Variants in TGDS observed in about 807,000 individuals in gnomAD.
The protein encoded by TGDS is TDP-glucose 4,6-dehydratase.
A neutral mutation model predicts 52.3 loss-of-function variants in TGDS; 47 were observed. The ratio of observed to expected loss-of-function variants is 0.90; its 90% CI spans 0.71 to 1.15. TGDS has a LOEUF of 1.15. TGDS is among the 50% of genes most tolerant of loss of function. The pLI, the probability that TGDS is intolerant of heterozygous loss-of-function variation, is 0.00. For missense variants in TGDS, 375 were observed against 418.4 expected (o/e 0.90, Z 0.90); for synonymous variants, 115 against 136.9 (o/e 0.84, Z 1.12).
chr13:94,577,861 A>C, intron 9 of TGDS, 144 bp downstream of exon 9: 1 of 790,160 alleles, frequency 1.3e-6, no homozygotes, highest in Non-Finnish European at 1.9e-6. Flanking sequence ...ACTTAATTTA[A>C]GACACATATG....
rs748209388 is a variant in TGDS, at chr13:94,574,882, A to G, written c.983-30T>C. 7.3e-6 allele frequency: 10 copies of G among 1,361,248 alleles called. 1 individual carries two copies. The Admixed American group carries it at 1.4e-4, about 20-fold the overall frequency. 84.3% of individuals were successfully genotyped at this position (1,361,248 alleles called of 1,614,324 possible). On this transcript the variant is annotated intron_variant, in intron 11 of 11. Coordinates refer to ENST00000261296, the MANE Select transcript of TGDS (RefSeq NM_014305.4). ...TAGGAAAAAACAAAAGACAAAAAAA[A>G]AAAAGAAAAGAAAGAAAAACTAAAC...
intron 4 of TGDS, among the ~76,000 whole-genome samples, chr13:94,584,627 T>C (rs1040988414): frequency 2.0e-5 from 3 of 152,212 alleles, no homozygotes; most frequent in Admixed American, 2.0e-4. Flanking sequence ...GCCCAGACTG[T>C]GGCCTCTAAA....
chr13:94,590,919 C>T lies in TGDS; in HGVS notation c.247G>A (p.Val83Met). Residue 83 changes from valine to methionine, a missense_variant, in exon 4 of 12, where the codon GTG becomes ATG. Val to Met is a conservative substitution (Grantham distance 21). Coordinates refer to ENST00000261296, the MANE Select transcript of TGDS (RefSeq NM_014305.4). ...IQGDICDSHF[V>M]KLLFETEKID... is the part of the protein sequence containing the mutation. ...TTCTCTGTTTCAAAAAGCAGTTTCA[C>T]AAAGTGAGAATCACATATGTCACCC... is the stretch of plus-strand genomic sequence containing the variant. The T allele has an allele frequency of 1.9e-6, 3 of 1,572,056 alleles. No individual in the cohort carries two copies. The highest frequency in any genetic ancestry group is 2.6e-6 in the Non-Finnish European group (3 of 1,165,834).
chr13:94,596,176 T>A, upstream of TGDS: 1 of 1,595,910 alleles, frequency 6.3e-7, no homozygotes, highest in East Asian at 2.3e-5. Context: ...AAGAGTATGG[T>A]CTGAAAAGCG....
At chr13:94,586,816 G>T (rs1463694975) in intron 4 of TGDS, among the ~76,000 whole-genome samples, 2 of 147,370 alleles carry the variant, frequency 1.4e-5, no homozygotes, top group Non-Finnish European at 3.0e-5. Context: ...TGGAGTGCAG[G>T]GGTGCGATCT....
At chr13:94,588,090 C>A (rs2139535693) in intron 4 of TGDS, among the ~76,000 whole-genome samples, 1 of 150,772 alleles carries the variant, frequency 6.6e-6, no homozygotes, top group Admixed American at 6.6e-5. Flanking sequence ...TAAGAACTTT[C>A]ACTAATAATA....
At chr13:94,589,906 G>A (rs996338788) in intron 4 of TGDS, among the ~76,000 whole-genome samples, 3 of 151,994 alleles carry the variant, frequency 2.0e-5, no homozygotes, top group African/African-American at 4.8e-5. Context: ...CTTATGATCT[G>A]TTATATAGCC....
chr13:94,580,588 G>T (rs755754823), intron 6 of TGDS, among the ~76,000 whole-genome samples: 1 of 152,088 alleles, frequency 6.6e-6, no homozygotes, highest in Non-Finnish European at 1.5e-5. Flanking sequence ...GAAGCACATG[G>T]CAGAAAGGGG....
At chr13:94,592,541 C>T (rs1889239544) in intron 2 of TGDS, among the ~76,000 whole-genome samples, 1 of 152,192 alleles carries the variant, frequency 6.6e-6, no homozygotes, top group Non-Finnish European at 1.5e-5. Flanking sequence ...CAAGCTCCGC[C>T]TCCCAGGTTC....
At chr13:94,590,296 A>G (rs977698133) in intron 4 of TGDS, among the ~76,000 whole-genome samples, 8 of 150,662 alleles carry the variant, frequency 5.3e-5, no homozygotes, top group African/African-American at 1.7e-4. Context: ...ACAGACAACA[A>G]AAGTGTAGAC....
In TGDS at chr13:94,578,000, C is replaced by T. The variant is rs558856512; in HGVS notation, c.825+5G>A. The T allele has an allele frequency of 6.2e-7, 1 of 1,612,582 alleles. No individual in the cohort carries two copies. Among genetic ancestry groups the T allele is most frequent in the African/African-American group, 1.3e-5 (1 of 75,004 alleles). On this transcript the variant is annotated splice_donor_5th_base_variant and intron_variant, in intron 9 of 11. Transcript: ENST00000261296. ...AAATACCAACCTTTTAAAACAGATA[C>T]ATACCAGTTGTATTAGTTCTTTGGC...
upstream of TGDS, chr13:94,596,250 C>G (rs1365634655): frequency 1.7e-6 from 2 of 1,174,262 alleles, no homozygotes; most frequent in African/African-American, 1.5e-5. Flanking sequence ...AACAGAGCAG[C>G]CAGAGGCAGC....
intron 5 of TGDS, among the ~76,000 whole-genome samples, chr13:94,582,604 G>A (rs1175206343): frequency 6.6e-6 from 1 of 152,224 alleles, no homozygotes; most frequent in East Asian, 1.9e-4. Context: ...TCCTAGGTGT[G>A]TCTGTGAGGG....
rs751069260 is a variant in TGDS, at chr13:94,593,905, G to A, written c.89C>T (p.Ala30Val). ...VLVTGGAGFIASHMIVSLVED... is the reference protein window; with the variant it reads ...VLVTGGAGFIVSHMIVSLVED... Reference sequence around the variant, plus strand: ...CACTAAAGAGACAATCATATGTGATGCACTATGGAAAAAAAGTATATCTTG... The same window carrying A: ...CACTAAAGAGACAATCATATGTGATACACTATGGAAAAAAAGTATATCTTG... The change falls in exon 2 of 12, where the codon GCA becomes GTA. Residue 30 changes from alanine (A) to valine (V), a missense_variant and splice_region_variant. Ala to Val is a moderately conservative substitution (Grantham distance 64). Transcript: ENST00000261296. The A allele has an allele frequency of 5.8e-6, 9 of 1,556,150 alleles. No homozygotes were observed. The highest frequency in any genetic ancestry group is 7.8e-6 in the Non-Finnish European group (9 of 1,148,486).
At chr13:94,588,019 GAGAC>G (rs1186506923) in intron 4 of TGDS, among the ~76,000 whole-genome samples, 2 of 139,442 alleles carry the variant, frequency 1.4e-5, no homozygotes, top group East Asian at 2.1e-4. Context: ...AAAAAAAAAA[GAGAC>G]AGAAAGAGCA....
Position 94,576,426 on chromosome 13 carries a change from CAG to C in TGDS, c.885-17_885-16del. 6.6e-7 allele frequency: 1 copy of C among 1,521,570 alleles called. No homozygotes were observed. The highest frequency in any genetic ancestry group is 8.9e-7 in the Non-Finnish European group (1 of 1,118,734). The allele number at this position is 1,521,570 out of a possible 1,614,324, so 94.3% of individuals were successfully genotyped here. A position where few individuals can be genotyped will look rare whatever the true frequency, so the allele number is the denominator to read the frequency against. On this transcript the variant is annotated splice_polypyrimidine_tract_variant and intron_variant, in intron 10 of 11. Coordinates refer to ENST00000261296, the MANE Select transcript of TGDS (RefSeq NM_014305.4). ...CATTGGTGGGTCTTGGAAAACAAAA[CAG>C]ATTTAAAATAATATTGTAGATATAT...
intron 5 of TGDS, 140 bp downstream of exon 5, chr13:94,582,953 TC>T: frequency 1.3e-6 from 1 of 742,288 alleles, no homozygotes; most frequent in Non-Finnish European, 2.1e-6. Context: ...ATTAGTTGTG[TC>T]CCTCTAGAGA....
chr13:94,589,142 C>T (rs967244094), intron 4 of TGDS, among the ~76,000 whole-genome samples: 3 of 152,024 alleles, frequency 2.0e-5, no homozygotes, highest in African/African-American at 7.2e-5. Flanking sequence ...TTCATCAAAA[C>T]ACACTGTCAA....
intron 3 of TGDS, among the ~76,000 whole-genome samples, chr13:94,592,017 C>A (rs1889218934): frequency 1.3e-5 from 2 of 152,138 alleles, no homozygotes. Flanking sequence ...ACTGGTAGAT[C>A]TCAAAGGTAC....
Sources: gnomAD v4.1 joint callset for allele counts (sites outside exome capture counted in the v4.1 genomes callset) on GRCh38, gnomAD v4.1.1 for gene constraint, MANE v1.5 for transcripts, NCBI Gene and HGNC (gene_info 2026-07-23, HGNC 2026-07-21) for gene names.